Variants in CNOT1 observed in about 807,000 individuals in gnomAD.
CNOT1 encodes the protein CCR4-NOT transcription complex subunit 1.
Under a neutral mutation model 273.8 loss-of-function variants are expected in CNOT1, and 15 were observed. That is an observed-to-expected ratio of 0.05 (90% confidence interval 0.04 to 0.08). CNOT1 has a LOEUF of 0.08. Among genes scored for constraint, CNOT1 ranks in the 10% least tolerant of loss-of-function variants. The pLI, the probability that CNOT1 is intolerant of heterozygous loss-of-function variation, is 1.00. For missense variants in CNOT1, 1,644 were observed against 2,912.2 expected (o/e 0.56, Z 10.02); for synonymous variants, 1,022 against 1,005.5 (o/e 1.02, Z -0.31).
At chr16:58,532,513 A>G in intron 40 of CNOT1, 118 bp from the exon 41 acceptor site, 1 of 1,440,782 alleles carries the variant, frequency 6.9e-7, no homozygotes, top group Non-Finnish European at 9.1e-7. Context: ...GCATATATAC[A>G]ATTTGAATAC....
chr16:58,543,229 T>C, intron 31 of CNOT1: 2 of 1,533,482 alleles, frequency 1.3e-6, no homozygotes, highest in South Asian at 2.4e-5. Context: ...TTGAAAAGTG[T>C]GTGCACATGC....
chr16:58,629,509 T>C (rs1027219650), intron 1 of CNOT1, among the ~76,000 whole-genome samples: 13 of 152,070 alleles, frequency 8.5e-5, no homozygotes, highest in African/African-American at 2.4e-4. Flanking sequence ...CGCTGGCCTC[T>C]CATCTTCAGA....
Position 58,585,420 on chromosome 16 carries a change from C to T in CNOT1, c.724G>A (p.Asp242Asn). The T allele has an allele frequency of 1.2e-6, 2 of 1,613,882 alleles. No homozygotes were observed. Among genetic ancestry groups the T allele is most frequent in the Non-Finnish European group, 1.7e-6 (2 of 1,180,002 alleles). The change falls in exon 8 of 49, where the codon GAT (aspartate) becomes AAT (asparagine). Residue 242 changes from aspartate to asparagine, a missense_variant. By Grantham distance (23) the Asp-to-Asn change is conservative (BLOSUM62 1). Coordinates refer to ENST00000317147, the MANE Select transcript of CNOT1 (RefSeq NM_016284.5). ...RDILMDRILP[D>N]SGGVAKTMME... The stretch of plus-strand genomic sequence containing the variant: ...ATGGTTTTAGCTACCCCTCCGGAAT[C>T]AGGCAGGATCCTGTCCATTAGAATG...
chr16:58,628,849 CTG>C (rs2043695636), intron 1 of CNOT1, among the ~76,000 whole-genome samples: 1 of 152,244 alleles, frequency 6.6e-6, no homozygotes, highest in Non-Finnish European at 1.5e-5. Context: ...GAGTTAGTAT[CTG>C]TGAGCCCTCT....
intron 43 of CNOT1, among the ~76,000 whole-genome samples, chr16:58,529,630 G>A (rs2039707839): frequency 1.3e-5 from 2 of 151,904 alleles, no homozygotes; most frequent in Non-Finnish European, 2.9e-5. Context: ...TTAAGGTCAG[G>A]AGTTTGAGAC....
At chr16:58,601,870 A>G (rs1225040643) in intron 1 of CNOT1, among the ~76,000 whole-genome samples, 1 of 63,058 alleles carries the variant, frequency 1.6e-5, no homozygotes, top group Non-Finnish European at 3.2e-5. Flanking sequence ...GACCCTGTCT[A>G]TTAAAAAAAA....
chr16:58,599,523 AACAC>A lies in CNOT1; in HGVS notation c.-174-16_-174-13del. 1.6e-6 allele frequency: 1 copy of A among 641,786 alleles called. No homozygotes were observed. The highest frequency in any genetic ancestry group is 2.5e-6 in the Non-Finnish European group (1 of 397,940). 39.8% of individuals were successfully genotyped at this position (641,786 alleles called of 1,614,324 possible). Reference sequence around the variant, plus strand: ...CTGAAACATGGCACCTGTTTAAAAAAACACACACACACAAATCCAGATTTTTAAA... The same window carrying A: ...CTGAAACATGGCACCTGTTTAAAAAAACACACACAAATCCAGATTTTTAAA... On this transcript the variant is annotated splice_polypyrimidine_tract_variant and intron_variant, in intron 1 of 48. Transcript: ENST00000317147.
chr16:58,587,180 T>C (rs776706918), intron 6 of CNOT1, 21 bp downstream of exon 6: 1 of 1,609,208 alleles, frequency 6.2e-7, no homozygotes, highest in Non-Finnish European at 8.5e-7. Flanking sequence ...CTTCGTGATA[T>C]TTTTGGAAAA....
chr16:58,583,229 C>T (rs767865190), intron 8 of CNOT1, 47 bp from the exon 9 acceptor site: 6 of 1,595,412 alleles, frequency 3.8e-6, no homozygotes, highest in East Asian at 4.5e-5. Flanking sequence ...GCCTCAACAC[C>T]GAGATTGAGA....
chr16:58,602,553 C>CAAAAAAAA (rs60230860), intron 1 of CNOT1, among the ~76,000 whole-genome samples: 5 of 57,972 alleles, frequency 8.6e-5, no homozygotes, highest in African/African-American at 4.1e-4. Context: ...ACTCTGTCTC[C>CAAAAAAAA]AAAAAAAAAA....
intron 39 of CNOT1, among the ~76,000 whole-genome samples, chr16:58,535,289 C>A (rs190881992): frequency 6.6e-6 from 1 of 152,314 alleles, no homozygotes; most frequent in Admixed American, 6.5e-5. Flanking sequence ...TAATACTGTA[C>A]CCTGCTGGGA....
intron 2 of CNOT1, chr16:58,597,665 G>T: frequency 2.1e-6 from 1 of 484,070 alleles, no homozygotes; most frequent in Non-Finnish European, 4.1e-6. Flanking sequence ...AAGTCTGCAG[G>T]AACCATACAA....
chr16:58,597,936 A>C, intron 2 of CNOT1: 2 of 248,572 alleles, frequency 8.0e-6, no homozygotes, highest in Non-Finnish European at 1.6e-5. Flanking sequence ...CCAGACATGA[A>C]GTTCGTTGGG....
At chr16:58,564,665 G>GT (rs1489530870) in intron 16 of CNOT1, among the ~76,000 whole-genome samples, 1 of 152,134 alleles carries the variant, frequency 6.6e-6, no homozygotes. Flanking sequence ...TTCTTACACA[G>GT]TTTCAAACTT....
chr16:58,618,700 T>C (rs560675386), intron 1 of CNOT1, among the ~76,000 whole-genome samples: 42 of 149,568 alleles, frequency 2.8e-4, no homozygotes, highest in Non-Finnish European at 3.8e-4. Flanking sequence ...ATAAGCATGA[T>C]GACTGGGTGT....
chr16:58,537,108 C>A lies in CNOT1; in HGVS notation c.5527G>T (p.Asp1843Tyr). 6.2e-7 allele frequency: 1 copy of A among 1,614,208 alleles called. No individual in the cohort carries two copies. Among genetic ancestry groups the A allele is most frequent in the Non-Finnish European group, 8.5e-7 (1 of 1,180,036 alleles). Residue 1843 changes from aspartate (D) to tyrosine (Y), a missense_variant, in exon 39 of 49, where the codon GAT becomes TAT. Asp to Tyr is a radical substitution (Grantham distance 160). This residue lies in a region of CNOT1 where 133 missense variants were observed against 328.2 expected (regional missense o/e 0.41). Transcript: ENST00000317147. ...HSGISQASEYDDPPGLREKAE... is the reference protein window; with the variant it reads ...HSGISQASEYYDPPGLREKAE... The stretch of plus-strand genomic sequence containing the variant: ...TTCTCCCTCAGGCCTGGAGGGTCAT[C>A]ATACTCTGAGGCTTGAGAGATCCCA...
Position 58,580,666 on chromosome 16 carries a change from G to A in CNOT1, c.1310C>T (p.Pro437Leu). ...HTVATDILKA[P>L]PEDDNREIAT... ...AATTTCTCGATTGTCATCCTCTGGTGGTGCTTTCAGAATATCAGTGGCAAC... is the reference window on the plus strand; with the variant it reads ...AATTTCTCGATTGTCATCCTCTGGTAGTGCTTTCAGAATATCAGTGGCAAC... Residue 437 changes from proline (P) to leucine (L), a missense_variant, in exon 12 of 49, where the codon CCA (proline) becomes CTA (leucine). Pro to Leu is a moderately conservative substitution (Grantham distance 98). Around this residue, in one of 13 missense-constraint regions of CNOT1, gnomAD observed 706 missense variants for 1,021.2 expected, o/e 0.69. Coordinates refer to ENST00000317147, the MANE Select transcript of CNOT1 (RefSeq NM_016284.5). 1 of 1,613,062 alleles carries A rather than the reference G, an allele frequency of 6.2e-7. No individual in the cohort carries two copies. The highest frequency in any genetic ancestry group is 1.1e-5 in the South Asian group (1 of 90,862).
At chr16:58,608,957 T>C (rs2152028987) in intron 1 of CNOT1, among the ~76,000 whole-genome samples, 1 of 152,190 alleles carries the variant, frequency 6.6e-6, no homozygotes, top group East Asian at 1.9e-4. Flanking sequence ...ACCTTGGGGA[T>C]TCAGGAGGAT....
At chr16:58,622,935 C>T (rs899979257) in intron 1 of CNOT1, among the ~76,000 whole-genome samples, 3 of 151,842 alleles carry the variant, frequency 2.0e-5, no homozygotes, top group Non-Finnish European at 2.9e-5. Context: ...CAGTGGCTCA[C>T]GCCTGAAATC....
Sources: allele counts gnomAD v4.1 joint callset (sites outside exome capture counted in the v4.1 genomes callset), GRCh38; gene constraint gnomAD v4.1.1; regional missense constraint gnomAD v4.1.1; transcripts MANE v1.5; gene names NCBI Gene and HGNC (gene_info 2026-07-23, HGNC 2026-07-21).